LRP1B: variants seen among roughly 807,000 people sequenced by gnomAD.
LRP1B encodes LDL receptor related protein 1B.
In LRP1B, 217 loss-of-function variants were observed where a neutral mutation model predicts 556.6. That is an observed-to-expected ratio of 0.39 (90% CI 0.35 to 0.44). The LOEUF (loss-of-function observed/expected upper bound fraction) is 0.44, where lower values mean the gene tolerates loss of function less well. LRP1B is among the 20% of genes least tolerant of loss of function. The probability of loss-of-function intolerance (pLI) is 1.00; values close to 1 mark genes in which losing one functional copy is unlikely to be tolerated. For missense variants in LRP1B, 5,053 were observed against 5,620.8 expected (o/e 0.90, Z 3.23); for synonymous variants, 2,047 against 1,865.8 (o/e 1.10, Z -2.50).
chr2:141,465,335 A>G (rs984180230), intron 3 of LRP1B, among the ~76,000 whole-genome samples: 11 of 151,908 alleles, frequency 7.2e-5, no homozygotes, highest in African/African-American at 2.4e-4. Flanking sequence ...AGGGAAAGAA[A>G]TGGGGAAAAA....
Position 140,840,940 on chromosome 2 carries a change from G to A in LRP1B, c.5092C>T (p.Leu1698Phe), listed in dbSNP as rs1692084629. 7 of 1,610,882 alleles carry A rather than the reference G, an allele frequency of 4.3e-6. No homozygotes were observed. In the African/African-American group the frequency reaches 9.4e-5, roughly 22 times the overall value. Residue 1698 changes from leucine (L) to phenylalanine (F), a missense_variant, in exon 30 of 91, where the codon CTT (leucine) becomes TTT (phenylalanine). Physicochemically the swap from Leu to Phe is conservative, Grantham distance 22. Coordinates refer to ENST00000389484, the MANE Select transcript of LRP1B (RefSeq NM_018557.3). ...TACCCCCTGACTGGGTGAGCTGCAA[G>A]ACACTGTGGCTTATCGATTCCATGG... ...IIHGIDKPQC[L>F]AAHPVRGKLY...
intron 2 of LRP1B, among the ~76,000 whole-genome samples, chr2:141,523,275 T>C (rs934207547): frequency 1.3e-5 from 2 of 152,134 alleles, no homozygotes; most frequent in Non-Finnish European, 2.9e-5. Context: ...ATATTTTAAA[T>C]TGAGTCTTGA....
chr2:140,751,066 C>T (rs1358590013), intron 35 of LRP1B, among the ~76,000 whole-genome samples: 1 of 147,410 alleles, frequency 6.8e-6, no homozygotes, highest in Non-Finnish European at 1.5e-5. Context: ...GATCTCGGCT[C>T]ACTGCAACTT....
intron 2 of LRP1B, among the ~76,000 whole-genome samples, chr2:141,637,443 C>T (rs1046264709): frequency 6.6e-6 from 1 of 152,144 alleles, no homozygotes; most frequent in African/African-American, 2.4e-5. Flanking sequence ...GACATCAGGC[C>T]AGCAAAGGGT....
intron 1 of LRP1B, among the ~76,000 whole-genome samples, chr2:141,996,025 G>A (rs10193433): frequency 1.3e-5 from 2 of 151,762 alleles, no homozygotes; most frequent in Non-Finnish European, 2.9e-5. Context: ...AGGCCAAGGC[G>A]GGCAGATCAT....
chr2:140,553,407 G>A (rs1375666014), intron 43 of LRP1B, among the ~76,000 whole-genome samples: 3 of 140,614 alleles, frequency 2.1e-5, no homozygotes, highest in Admixed American at 7.6e-5. Context: ...CCTTTATTGT[G>A]TCTATTGTGC....
At chr2:141,048,893 T>C (rs941236465) in intron 11 of LRP1B, 93 bp downstream of exon 11, 2 of 942,926 alleles carry the variant, frequency 2.1e-6, no homozygotes, top group South Asian at 2.8e-5. Context: ...GAACTTGAGT[T>C]CTGGTTAAAG....
intron 11 of LRP1B, among the ~76,000 whole-genome samples, chr2:141,032,323 C>A (rs1698396081): frequency 6.6e-6 from 1 of 151,900 alleles, no homozygotes; most frequent in South Asian, 2.1e-4. Flanking sequence ...AATAATGTGT[C>A]TTTTTGAACA....
intron 41 of LRP1B, among the ~76,000 whole-genome samples, chr2:140,647,085 C>T (rs991538972): frequency 6.6e-6 from 1 of 152,010 alleles, no homozygotes; most frequent in Non-Finnish European, 1.5e-5. Flanking sequence ...AAATAATTCC[C>T]TAGTTTTTCT....
intron 1 of LRP1B, among the ~76,000 whole-genome samples, chr2:141,983,392 C>T (rs1457640414): frequency 6.6e-6 from 1 of 152,158 alleles, no homozygotes; most frequent in African/African-American, 2.4e-5. Context: ...GGGCAAAACC[C>T]TATGCATTTC....
chr2:142,110,880 T>A (rs1360983256), intron 1 of LRP1B, among the ~76,000 whole-genome samples: 2 of 152,162 alleles, frequency 1.3e-5, no homozygotes, highest in Non-Finnish European at 1.5e-5. Context: ...TGCTTAGATA[T>A]CCATCTATGG....
chr2:141,513,693 T>C (rs541161722), intron 2 of LRP1B, among the ~76,000 whole-genome samples: 1 of 151,674 alleles, frequency 6.6e-6, no homozygotes, highest in East Asian at 2.0e-4. Flanking sequence ...TTATTTTTTG[T>C]TTTTTAAAGG....
chr2:140,882,967 G>C (rs1255706358), intron 25 of LRP1B, among the ~76,000 whole-genome samples: 1 of 152,038 alleles, frequency 6.6e-6, no homozygotes, highest in Non-Finnish European at 1.5e-5. Flanking sequence ...CAATTACAAA[G>C]GTCAAAATCA....
At chr2:141,399,178 C>T (rs1690356242) in intron 3 of LRP1B, among the ~76,000 whole-genome samples, 1 of 152,072 alleles carries the variant, frequency 6.6e-6, no homozygotes, top group Non-Finnish European at 1.5e-5. Context: ...ATCCCTTGAA[C>T]TCAGGAGGCA....
chr2:141,777,368 A>T (rs1206220835), intron 2 of LRP1B, among the ~76,000 whole-genome samples: 1 of 152,210 alleles, frequency 6.6e-6, no homozygotes, highest in Non-Finnish European at 1.5e-5. Flanking sequence ...GTTTGGTCCA[A>T]TTTATAAAAG....
intron 43 of LRP1B, among the ~76,000 whole-genome samples, chr2:140,543,733 T>G (rs1392878549): frequency 6.6e-6 from 1 of 151,938 alleles, no homozygotes; most frequent in Admixed American, 6.6e-5. Flanking sequence ...GAAGTCAAAC[T>G]GTATTTATTT....
chr2:141,444,918 G>A (rs1439409851), intron 3 of LRP1B, among the ~76,000 whole-genome samples: 1 of 152,130 alleles, frequency 6.6e-6, no homozygotes, highest in Non-Finnish European at 1.5e-5. Flanking sequence ...TCAGGTTCTG[G>A]TATCAGGGTG....
At chr2:140,296,500 A>G (rs368251977) in intron 84 of LRP1B, among the ~76,000 whole-genome samples, 15 of 152,308 alleles carry the variant, frequency 9.8e-5, no homozygotes, top group African/African-American at 3.1e-4. Context: ...AATTCAGAAA[A>G]TAGGTTAAGC....
At position 141,229,205 on chromosome 2, in the gene LRP1B, G is replaced by C. The variant is rs1456706524; in HGVS notation, c.828C>G (p.Ile276Met). ...KAGGLTDEWT[I>M]NILQSFHNVQ... ...TACTGTGGAAGGATTGAAGAATATT[G>C]ATTGTCCATTCATCTGTTAATCCTC... Residue 276 changes from isoleucine (I) to methionine (M), a missense_variant, in exon 6 of 91, where the codon ATC becomes ATG. By Grantham distance (10) the Ile-to-Met change is conservative (BLOSUM62 1). Transcript: ENST00000389484. 1.9e-6 allele frequency: 3 copies of C among 1,612,864 alleles called. No individual in the cohort carries two copies. Among genetic ancestry groups the C allele is most frequent in the East Asian group, 2.2e-5 (1 of 44,758 alleles).
Sources: gnomAD v4.1 joint callset for allele counts (sites outside exome capture counted in the v4.1 genomes callset) on GRCh38, gnomAD v4.1.1 for gene constraint, MANE v1.5 for transcripts, NCBI Gene and HGNC (gene_info 2026-07-23, HGNC 2026-07-21) for gene names.